The following TDRD5 variants were observed in gnomAD, a reference collection of about 807,000 sequenced individuals.
TDRD5 encodes tudor domain containing 5.
TDRD5 carries 41 observed loss-of-function variants against 120.6 expected under a neutral mutation model. The ratio of observed to expected loss-of-function variants is 0.34; its 90% CI spans 0.26 to 0.44. The LOEUF (loss-of-function observed/expected upper bound fraction) is 0.44. Among genes scored for constraint, TDRD5 ranks in the 20% least tolerant of loss-of-function variants. The pLI is 1.00. For synonymous variants in TDRD5, 430 were observed against 433.7 expected (o/e 0.99, Z 0.11); for missense variants, 1,006 against 1,221.2 (o/e 0.82, Z 2.63).
At chr1:179,675,359 A>C (rs997209008) in intron 17 of TDRD5, among the ~76,000 whole-genome samples, 1 of 136,664 alleles carries the variant, frequency 7.3e-6, no homozygotes, top group Non-Finnish European at 1.5e-5. Context: ...GGCTCACTGC[A>C]AGCTCCGCCT....
chr1:179,597,332 C>CTTTTTTTTTTTTTTTTTTTT (rs945509784), intron 4 of TDRD5, among the ~76,000 whole-genome samples: 2 of 125,572 alleles, frequency 1.6e-5, no homozygotes, highest in Non-Finnish European at 3.3e-5. Context: ...TTCTTTTTTT[C>CTTTTTTTTTTTTTTTTTTTT]TTTTTTTTTT....
intron 4 of TDRD5, among the ~76,000 whole-genome samples, chr1:179,608,769 T>C (rs778724459): frequency 6.6e-6 from 1 of 152,028 alleles, no homozygotes; most frequent in Non-Finnish European, 1.5e-5. Context: ...TTCCCTAACA[T>C]GATCATATTC....
At chr1:179,632,735 T>C (rs1007905081) in intron 7 of TDRD5, among the ~76,000 whole-genome samples, 7 of 152,186 alleles carry the variant, frequency 4.6e-5, no homozygotes, top group African/African-American at 1.4e-4. Flanking sequence ...AATTACCACC[T>C]GTATAATTTT....
intron 14 of TDRD5, 99 bp downstream of exon 14, chr1:179,654,461 C>A: frequency 8.0e-7 from 1 of 1,257,826 alleles, no homozygotes; most frequent in South Asian, 2.1e-5. Context: ...AACCCCACTG[C>A]TTTTAGTATT....
At position 179,654,301 on chromosome 1, in the gene TDRD5, G is replaced by T; in HGVS notation, c.2261G>T (p.Ser754Ile). 2 of 1,549,520 alleles carry T rather than the reference G, an allele frequency of 1.3e-6. No individual in the cohort carries two copies. Among genetic ancestry groups the T allele is most frequent in the Non-Finnish European group, 1.7e-6 (2 of 1,146,402 alleles). ...EFESLKTCNK[S>I]FEEDPKWSNP... ...GAGTCTTTGAAAACCTGTAATAAGA[G>T]CTTTGAAGAAGATCCAAAGTGGTCC... The change falls in exon 14 of 18, where the codon AGC (serine) becomes ATC (isoleucine). Residue 754 changes from serine to isoleucine, a missense_variant. Physicochemically the swap from Ser to Ile is moderately radical, Grantham distance 142. This residue lies in a region of TDRD5 where 403 missense variants were observed against 448.1 expected (regional missense o/e 0.90). Transcript: ENST00000444136.
Position 179,649,024 on chromosome 1 carries a change from A to T in TDRD5, c.1801-1843A>T, listed in dbSNP as rs113316372. Among the ~76,000 whole-genome samples the T allele has an allele frequency of 1.6e-3, 251 of 152,316 alleles. 1 individual carries two copies. The highest frequency in any genetic ancestry group is 5.8e-3 in the African/African-American group (243 of 41,574). ...TAGGTTAGCAGTTAGTATCTTTAGC[A>T]CATTGAAGATATCATTACTGGCTTC... On this transcript the variant is annotated intron_variant, in intron 11 of 17. Coordinates refer to ENST00000444136, the MANE Select transcript of TDRD5 (RefSeq NM_001199085.3).
chr1:179,610,508 C>CT (rs2101943246), intron 4 of TDRD5, among the ~76,000 whole-genome samples: 1 of 152,268 alleles, frequency 6.6e-6, no homozygotes, highest in South Asian at 2.1e-4. Flanking sequence ...AGAAAAGTAT[C>CT]AATATATGTT....
At chr1:179,664,297 T>A (rs926233494) in intron 16 of TDRD5, among the ~76,000 whole-genome samples, 6 of 152,174 alleles carry the variant, frequency 3.9e-5, no homozygotes, top group Non-Finnish European at 8.8e-5. Context: ...TCTTTTTTTT[T>A]AAATACAGCT....
chr1:179,599,888 A>G (rs1675612660), intron 4 of TDRD5, among the ~76,000 whole-genome samples: 1 of 152,196 alleles, frequency 6.6e-6, no homozygotes, highest in African/African-American at 2.4e-5. Flanking sequence ...CAACACTTAC[A>G]TTTGTGGTGA....
intron 11 of TDRD5, among the ~76,000 whole-genome samples, chr1:179,645,610 T>G (rs1350024710): frequency 6.6e-6 from 1 of 152,234 alleles, no homozygotes; most frequent in South Asian, 2.1e-4. Flanking sequence ...GTCAACTTTA[T>G]TGTGTGAAAC....
rs199987937 is a variant in TDRD5, at chr1:179,592,873, A to G, written c.232+26A>G. The G allele has an allele frequency of 2.2e-4, 348 of 1,597,310 alleles. 1 individual carries two copies. The highest frequency in any genetic ancestry group is 2.0e-3 in the South Asian group (184 of 90,230). On this transcript the variant is annotated intron_variant, in intron 2 of 17. Transcript: ENST00000444136. ...GTAGGTTTAAGATTTTTGAAGGTCT[A>G]TAAACTTTGTAATAAAAACAATTGC...
At chr1:179,601,636 A>G (rs577766736) in intron 4 of TDRD5, among the ~76,000 whole-genome samples, 2 of 152,192 alleles carry the variant, frequency 1.3e-5, no homozygotes, top group Non-Finnish European at 2.9e-5. Context: ...TTGTATATAG[A>G]TACCATAGTT....
Position 179,663,425 on chromosome 1 carries a change from A to G in TDRD5, c.2583A>G (p.Val861=), listed in dbSNP as rs1679410507. The change falls in exon 16 of 18, where the codon GTA becomes GTG. Residue 861 remains valine, a synonymous_variant. Coordinates refer to ENST00000444136, the MANE Select transcript of TDRD5 (RefSeq NM_001199085.3). ...QPSGLVNGTK[V]EVHKPEVLGA... ...CAGGCCTTGTAAATGGAACGAAAGTAGAAGTTCATAAGCCAGAAGTACTGG... is the reference window on the plus strand; with the variant it reads ...CAGGCCTTGTAAATGGAACGAAAGTGGAAGTTCATAAGCCAGAAGTACTGG... 12 of 1,613,886 alleles carry G rather than the reference A, an allele frequency of 7.4e-6. No homozygotes were observed. The East Asian group carries it at 2.7e-4, about 36-fold the overall frequency.
intron 6 of TDRD5, 44 bp downstream of exon 6, chr1:179,621,135 T>C (rs1676821511): frequency 1.3e-6 from 2 of 1,548,270 alleles, no homozygotes; most frequent in Admixed American, 2.1e-5. Context: ...TTATGGCTTA[T>C]ATTTCTTGTG....
chr1:179,634,329 T>C (rs1677637756), intron 7 of TDRD5, 128 bp from the exon 8 acceptor site: 2 of 912,418 alleles, frequency 2.2e-6, no homozygotes, highest in Non-Finnish European at 3.2e-6. Context: ...TTTATCATTG[T>C]CTTTCTAGCA....
At chr1:179,666,226 A>G (rs1679546265) in intron 16 of TDRD5, among the ~76,000 whole-genome samples, 1 of 152,220 alleles carries the variant, frequency 6.6e-6, no homozygotes, top group African/African-American at 2.4e-5. Context: ...TAGAAACTAA[A>G]CACATACATG....
intron 4 of TDRD5, among the ~76,000 whole-genome samples, chr1:179,612,599 G>C (rs2101949116): frequency 6.6e-6 from 1 of 152,148 alleles, no homozygotes; most frequent in East Asian, 1.9e-4. Flanking sequence ...AAGGAACAGA[G>C]ATCTGGCATT....
intron 5 of TDRD5, among the ~76,000 whole-genome samples, chr1:179,619,164 GT>G (rs1331675817): frequency 5.3e-5 from 8 of 152,102 alleles, no homozygotes; most frequent in Non-Finnish European, 1.2e-4. Flanking sequence ...GGCATCTTAT[GT>G]TTTGATTATA....
chr1:179,685,261 T>G (rs545969087), intron 17 of TDRD5, among the ~76,000 whole-genome samples: 12 of 152,260 alleles, frequency 7.9e-5, no homozygotes, highest in Non-Finnish European at 1.5e-4. Flanking sequence ...TTTCTACATA[T>G]GGCTAGCCAG....
Sources: gnomAD v4.1 joint callset for allele counts (sites outside exome capture counted in the v4.1 genomes callset) on GRCh38, gnomAD v4.1.1 for gene constraint, gnomAD v4.1.1 regional missense constraint, MANE v1.5 for transcripts, NCBI Gene and HGNC (gene_info 2026-07-23, HGNC 2026-07-21) for gene names.